The following KALRN variants were observed in gnomAD, a reference collection of about 807,000 sequenced individuals.
The protein encoded by KALRN is kalirin RhoGEF kinase, also known as kalirin.
A neutral mutation model predicts 353.7 loss-of-function variants in KALRN; 70 were observed. The ratio of observed to expected loss-of-function variants is 0.20; its 90% CI spans 0.16 to 0.24. The LOEUF (loss-of-function observed/expected upper bound fraction) is 0.24. KALRN is among the 10% of genes least tolerant of loss of function. The pLI is 1.00. For missense variants in KALRN, 2,791 were observed against 3,756.7 expected (o/e 0.74, Z 6.72); for synonymous variants, 1,391 against 1,434.8 (o/e 0.97, Z 0.69).
At chr3:124,349,421 T>A (rs1402598445) in intron 10 of KALRN, among the ~76,000 whole-genome samples, 1 of 152,176 alleles carries the variant, frequency 6.6e-6, no homozygotes, top group Non-Finnish European at 1.5e-5. Context: ...CAACACAAAT[T>A]GGTAAACTTT....
intron 9 of KALRN, among the ~76,000 whole-genome samples, chr3:124,342,202 T>C (rs1163607797): frequency 6.7e-6 from 1 of 148,608 alleles, no homozygotes; most frequent in Admixed American, 6.7e-5. Context: ...GGAGTCCAAG[T>C]ATAATTTTGT....
chr3:124,433,157 G>T (rs1009617189), intron 16 of KALRN, among the ~76,000 whole-genome samples: 5 of 152,130 alleles, frequency 3.3e-5, no homozygotes, highest in Non-Finnish European at 2.9e-5. Context: ...TACAATGATT[G>T]TTGGTGGGGA....
chr3:124,172,273 A>G (rs1466644994), intron 1 of KALRN, among the ~76,000 whole-genome samples: 2 of 152,162 alleles, frequency 1.3e-5, no homozygotes, highest in East Asian at 3.9e-4. Flanking sequence ...CTTGCTGGCC[A>G]AATAGGCCGT....
intron 19 of KALRN, among the ~76,000 whole-genome samples, chr3:124,443,484 A>G (rs1052835841): frequency 6.6e-6 from 1 of 152,220 alleles, no homozygotes; most frequent in Non-Finnish European, 1.5e-5. Context: ...AAAGTTCCCT[A>G]CAGAGAGGAG....
At chr3:124,488,171 G>A (rs375488424) in intron 28 of KALRN, 33 bp from the exon 29 acceptor site, 3 of 1,352,894 alleles carry the variant, frequency 2.2e-6, no homozygotes, top group Non-Finnish European at 3.2e-6. Flanking sequence ...GGGGGAGATG[G>A]CCCTAATTAT....
chr3:124,407,464 T>C (rs1167750848), intron 13 of KALRN, among the ~76,000 whole-genome samples: 1 of 152,144 alleles, frequency 6.6e-6, no homozygotes, highest in African/African-American at 2.4e-5. Context: ...GGAGCCAAAG[T>C]CATTTGCTCT....
At chr3:124,492,929 G>A (rs770549649) in intron 32 of KALRN, 47 bp downstream of exon 32, 19 of 1,598,162 alleles carry the variant, frequency 1.2e-5, no homozygotes, top group Non-Finnish European at 1.5e-5. Flanking sequence ...ACAGGCTTCC[G>A]GGTGCGGGAA....
chr3:124,374,967 G>T (rs927577303), intron 10 of KALRN, among the ~76,000 whole-genome samples: 1 of 152,158 alleles, frequency 6.6e-6, no homozygotes, highest in African/African-American at 2.4e-5. Flanking sequence ...TGCCGAGATG[G>T]GGTCACTGGG....
intron 6 of KALRN, among the ~76,000 whole-genome samples, chr3:124,299,796 C>G (rs2077126400): frequency 6.6e-6 from 1 of 152,130 alleles, no homozygotes; most frequent in South Asian, 2.1e-4. Context: ...ACTCTTATCC[C>G]TCATAAACCT....
rs542376834 is a variant in KALRN at position 124,174,912 on chromosome 3, A to C, written c.74-53078A>C. On this transcript the variant is annotated intron_variant, in intron 1 of 59. Coordinates refer to ENST00000682506, the MANE Select transcript of KALRN (RefSeq NM_001388419.1). ...CTAGTCACCATCTTCAGAATTGAGAAAACAGTAGCAGAATTTAAGTCCTAG... is the reference window on the plus strand; with the variant it reads ...CTAGTCACCATCTTCAGAATTGAGACAACAGTAGCAGAATTTAAGTCCTAG... Among the ~76,000 whole-genome samples the C allele has an allele frequency of 1.1e-3, 164 of 152,356 alleles. 1 individual carries two copies. The highest frequency in any genetic ancestry group is 3.6e-3 in the African/African-American group (149 of 41,588).
intron 1 of KALRN, among the ~76,000 whole-genome samples, chr3:124,145,314 T>G (rs2067197383): frequency 1.3e-5 from 2 of 151,950 alleles, no homozygotes; most frequent in Non-Finnish European, 2.9e-5. Context: ...AATCAGTGAG[T>G]TTTCACCCTA....
intron 1 of KALRN, among the ~76,000 whole-genome samples, chr3:124,088,429 C>T (rs2060936763): frequency 1.3e-5 from 2 of 152,126 alleles, no homozygotes; most frequent in South Asian, 4.1e-4. Flanking sequence ...TAAGAATCTG[C>T]CCCCTCCTGA....
At chr3:124,407,198 G>A (rs1331774976) in intron 13 of KALRN, among the ~76,000 whole-genome samples, 1 of 152,062 alleles carries the variant, frequency 6.6e-6, no homozygotes, top group African/African-American at 2.4e-5. Flanking sequence ...AGCCTATTGG[G>A]TTACTGTGAG....
At chr3:124,234,754 C>A in intron 2 of KALRN, 75 bp from the exon 3 acceptor site, 1 of 1,150,432 alleles carries the variant, frequency 8.7e-7, no homozygotes, top group South Asian at 1.4e-5. Flanking sequence ...AGCACTCAGA[C>A]AGATTTCTTT....
At chr3:124,582,555 T>C (rs1371782655) in intron 34 of KALRN, among the ~76,000 whole-genome samples, 1 of 152,204 alleles carries the variant, frequency 6.6e-6, no homozygotes, top group African/African-American at 2.4e-5. Flanking sequence ...AGCCTCATCA[T>C]AGTTTATTAA....
intron 3 of KALRN, among the ~76,000 whole-genome samples, chr3:124,241,515 A>G (rs78438884): frequency 0.067 from 10,130 of 152,280 alleles, 959 homozygotes; most frequent in East Asian, 0.46. Flanking sequence ...TTTTCTCCAT[A>G]CTTTAGAATA....
At chr3:124,459,450 T>G (rs925687975) in intron 23 of KALRN, among the ~76,000 whole-genome samples, 23 of 152,226 alleles carry the variant, frequency 1.5e-4, no homozygotes, top group Non-Finnish European at 2.4e-4. Flanking sequence ...CAACTTATCA[T>G]TAGATTCCTG....
intron 33 of KALRN, among the ~76,000 whole-genome samples, chr3:124,541,780 T>C (rs1258102652): frequency 6.6e-6 from 1 of 151,128 alleles, no homozygotes; most frequent in African/African-American, 2.4e-5. Context: ...TAGTCCCAGC[T>C]ACTCGGGAGG....
intron 1 of KALRN, among the ~76,000 whole-genome samples, chr3:124,085,067 C>T (rs1371096243): frequency 2.6e-5 from 4 of 152,204 alleles, no homozygotes; most frequent in Non-Finnish European, 5.9e-5. Flanking sequence ...CCTTCAGCTT[C>T]CCCCACCTGA....
Sources: gnomAD v4.1 joint callset for allele counts (sites outside exome capture counted in the v4.1 genomes callset) on GRCh38, gnomAD v4.1.1 for gene constraint, MANE v1.5 for transcripts, NCBI Gene and HGNC (gene_info 2026-07-23, HGNC 2026-07-21) for gene names.